Variants in HSD17B12 observed in about 807,000 individuals in gnomAD.
The protein encoded by HSD17B12 is hydroxysteroid 17-beta dehydrogenase 12.
In HSD17B12, 32 loss-of-function variants were observed where a neutral mutation model predicts 39.3. The observed-to-expected ratio is 0.81, with a 90% CI of 0.61 to 1.09. The LOEUF (loss-of-function observed/expected upper bound fraction) is 1.09. HSD17B12 is among the 50% of genes least tolerant of loss of function. The probability of loss-of-function intolerance (pLI) is 0.00; values close to 1 mark genes in which losing one functional copy is unlikely to be tolerated. For missense variants in HSD17B12, 342 were observed against 382.9 expected, an observed-to-expected ratio of 0.89 and a Z score of 0.89; for synonymous variants, 150 against 146.7, an observed-to-expected ratio of 1.02 and a Z score of -0.16.
At chr11:43,735,751 A>C (rs1276772846) in intron 1 of HSD17B12, among the ~76,000 whole-genome samples, 2 of 152,196 alleles carry the variant, frequency 1.3e-5, no homozygotes, top group Non-Finnish European at 2.9e-5. Flanking sequence ...AGACTCTGTC[A>C]TTTATAAAGA....
At position 43,831,005 on chromosome 11, in the gene HSD17B12, G is replaced by A. The variant is rs1426027343; in HGVS notation, c.531G>A (p.Val177=). 1.2e-6 allele frequency: 2 copies of A among 1,606,420 alleles called. No homozygotes were observed. The highest frequency in any genetic ancestry group is 1.7e-5 in the Admixed American group (1 of 59,014). The change falls in exon 7 of 11, where the codon GTG becomes GTA. Residue 177 remains valine, a synonymous_variant. Coordinates refer to ENST00000278353, the MANE Select transcript of HSD17B12 (RefSeq NM_016142.3). The surrounding 1 kb of genome is among the most constrained non-coding windows in gnomAD (Gnocchi z 4.1). The stretch of plus-strand genomic sequence containing the variant: ...CACAATTGGTACTGCCTGGCATGGT[G>A]GAAAGGTGAGTCACAAGCTCACATA... The part of the protein sequence containing the change: ...KMTQLVLPGM[V]ERSKGAILNI...
intron 2 of HSD17B12, among the ~76,000 whole-genome samples, chr11:43,751,880 C>G (rs1243702816): frequency 6.6e-6 from 1 of 152,140 alleles, no homozygotes; most frequent in Non-Finnish European, 1.5e-5. Flanking sequence ...CTTACAACCC[C>G]AATACATTGG....
At chr11:43,792,432 T>C (rs753653510) in intron 3 of HSD17B12, among the ~76,000 whole-genome samples, 1 of 152,174 alleles carries the variant, frequency 6.6e-6, no homozygotes, top group Non-Finnish European at 1.5e-5. Flanking sequence ...AATATAGTGC[T>C]GTTTCTCTAA....
At chr11:43,579,001 C>T in the HSD17B12 span, 1 of 150,180 alleles carries the variant, frequency 6.7e-6, no homozygotes, top group Non-Finnish European at 1.5e-5. Flanking sequence ...TGCGTCATGG[C>T]TCTAGTCACA....
chr11:43,618,859 T>G, the HSD17B12 span, among the ~76,000 whole-genome samples: 1 of 152,038 alleles, frequency 6.6e-6, no homozygotes, highest in African/African-American at 2.4e-5. Context: ...GAATTGGTAT[T>G]GGTTCCAAGG....
chr11:43,809,104 A>G (rs1017970271), intron 4 of HSD17B12, among the ~76,000 whole-genome samples: 12 of 152,210 alleles, frequency 7.9e-5, no homozygotes, highest in African/African-American at 2.9e-4. Flanking sequence ...GATTCTGGTC[A>G]TACGTAATAA....
At chr11:43,829,621 C>G (rs915336733) in intron 6 of HSD17B12, 1 of 152,152 alleles carries the variant, frequency 6.6e-6, no homozygotes, top group African/African-American at 2.4e-5. Flanking sequence ...GTGGCTACCC[C>G]TTCTGGACTC....
rs150308012 is a variant in HSD17B12, at chr11:43,771,311, C to G, written c.283+17190C>G. ...AATGTATTACAATTTAGTTGTATAT[C>G]CAATTGTTGATGGACTTTTGGGTTG... On this transcript the variant is annotated intron_variant, in intron 3 of 10. Coordinates refer to ENST00000278353, the MANE Select transcript of HSD17B12 (RefSeq NM_016142.3). Among the ~76,000 whole-genome samples, 29 of 152,148 alleles carry G rather than the reference C, an allele frequency of 1.9e-4. No homozygotes were observed. The East Asian group carries it at 2.9e-3, about 15-fold the overall frequency.
At chr11:43,800,622 A>C (rs1053170936) in intron 4 of HSD17B12, among the ~76,000 whole-genome samples, 1 of 152,146 alleles carries the variant, frequency 6.6e-6, no homozygotes, top group African/African-American at 2.4e-5. Flanking sequence ...ATGTTCTCTA[A>C]ATACTTTTTC....
At chr11:43,810,402 T>A (rs966694907) in intron 4 of HSD17B12, among the ~76,000 whole-genome samples, 4 of 70,160 alleles carry the variant, frequency 5.7e-5, no homozygotes, top group African/African-American at 1.2e-4. Flanking sequence ...TATATATATA[T>A]AAAATTCAGA....
chr11:43,575,224 T>G, the HSD17B12 span, among the ~76,000 whole-genome samples: 1 of 152,258 alleles, frequency 6.6e-6, no homozygotes, highest in Admixed American at 6.5e-5. This position sits in a 1 kb window ranked among gnomAD's most constrained non-coding sequence, Gnocchi z 4.1. Flanking sequence ...GCTGTATAAC[T>G]GGCTGATTCC....
intron 2 of HSD17B12, among the ~76,000 whole-genome samples, chr11:43,751,347 CAAG>C (rs1260302439): frequency 6.6e-6 from 1 of 152,118 alleles, no homozygotes; most frequent in East Asian, 1.9e-4. Flanking sequence ...ATCATTTTCA[CAAG>C]AAGGACTGTG....
At chr11:43,751,846 C>T (rs1445066161) in intron 2 of HSD17B12, among the ~76,000 whole-genome samples, 1 of 152,144 alleles carries the variant, frequency 6.6e-6, no homozygotes, top group Non-Finnish European at 1.5e-5. Context: ...CAGGATGAAT[C>T]TTCTAAGAGC....
intron 3 of HSD17B12, among the ~76,000 whole-genome samples, chr11:43,797,557 C>G (rs1053833998): frequency 1.3e-5 from 2 of 152,160 alleles, no homozygotes; most frequent in African/African-American, 4.8e-5. Context: ...AATTGATGCT[C>G]ATGTCTGTGT....
At chr11:43,849,662 C>G (rs11037676) in intron 9 of HSD17B12, among the ~76,000 whole-genome samples, 95,538 of 152,086 alleles carry the variant, frequency 0.63, 30,574 homozygotes, top group East Asian at 0.71. Flanking sequence ...GGCTCAGCCT[C>G]TATCAGCTCT....
At chr11:43,690,245 T>C (rs1308480378) in intron 1 of HSD17B12, among the ~76,000 whole-genome samples, 1 of 151,110 alleles carries the variant, frequency 6.6e-6, no homozygotes, top group Non-Finnish European at 1.5e-5. Context: ...GTGAGCACTG[T>C]AAGGCAAGGA....
intron 6 of HSD17B12, 178 bp from the exon 7 acceptor site, chr11:43,830,798 C>T: frequency 7.0e-6 from 3 of 426,598 alleles, no homozygotes; most frequent in Non-Finnish European, 1.3e-5. Flanking sequence ...CAGCTGGTTC[C>T]TTTTTATGCC....
chr11:43,817,634 T>C (rs943940512), intron 6 of HSD17B12, among the ~76,000 whole-genome samples: 2 of 152,230 alleles, frequency 1.3e-5, no homozygotes, highest in East Asian at 3.9e-4. Context: ...TTTTGTTTGT[T>C]TTATTGAAGA....
chr11:43,794,963 GT>G (rs1423119368), intron 3 of HSD17B12, among the ~76,000 whole-genome samples: 1 of 152,114 alleles, frequency 6.6e-6, no homozygotes. Context: ...AAAAACTTTG[GT>G]AAAGTGCTTA....
Sources: gnomAD v4.1 joint callset for allele counts (sites outside exome capture counted in the v4.1 genomes callset) on GRCh38, gnomAD v4.1.1 for gene constraint, Gnocchi (gnomAD v3.1) non-coding constraint, MANE v1.5 for transcripts, NCBI Gene and HGNC (gene_info 2026-07-23, HGNC 2026-07-21) for gene names.